The following ARHGEF17 variants were observed in gnomAD, a reference collection of about 807,000 sequenced individuals.
ARHGEF17 encodes the protein 164 kDa Rho-specific guanine-nucleotide exchange factor.
In ARHGEF17, 80 loss-of-function variants were observed where a neutral mutation model predicts 174.0. The observed-to-expected ratio is 0.46, with a 90% CI of 0.38 to 0.55. The LOEUF is 0.55. Among genes scored for constraint, ARHGEF17 ranks in the 20% least tolerant of loss-of-function variants. ARHGEF17 has a pLI of 0.00. For synonymous variants in ARHGEF17, 1,311 were observed against 1,189.1 expected (o/e 1.10, Z -2.11); for missense variants, 2,886 against 2,839.7 (o/e 1.02, Z -0.37).
rs777733889 is a variant in ARHGEF17, at chr11:73,362,413, C to T, written c.4695-20C>T. The T allele has an allele frequency of 2.6e-6, 4 of 1,526,904 alleles. No homozygotes were observed. Among genetic ancestry groups the T allele is most frequent in the Non-Finnish European group, 3.5e-6 (4 of 1,143,136 alleles). The allele number at this position is 1,526,904 out of a possible 1,614,324, so 94.6% of individuals were successfully genotyped here. A position where few individuals can be genotyped will look rare whatever the true frequency, so the allele number is the denominator to read the frequency against. On this transcript the variant is annotated intron_variant, in intron 13 of 20. Transcript: ENST00000263674. ...CGTCTGGCTCGTAGCTGCTGTCATC[C>T]TCACTCCGTCTTCTCGCAGGGAGCC...
intron 1 of ARHGEF17, among the ~76,000 whole-genome samples, chr11:73,346,166 T>A (rs1189626804): frequency 1.3e-5 from 2 of 152,090 alleles, no homozygotes; most frequent in South Asian, 2.1e-4. Context: ...GTTTCCTTTT[T>A]CCCCTCCCTA....
chr11:73,369,122 C>T lies in ARHGEF17; in HGVS notation c.*1342C>T, dbSNP rs1865889362. On this transcript the variant is annotated 3_prime_UTR_variant, in exon 21 of 21. Transcript: ENST00000263674. ...GGCCACAGTGGCCTCCTGTCAGCAACCTCAGGGCTCAGTCTCCCTGGCCAC... is the reference window on the plus strand; with the variant it reads ...GGCCACAGTGGCCTCCTGTCAGCAATCTCAGGGCTCAGTCTCCCTGGCCAC... 1 of 152,492 alleles carries T rather than the reference C, an allele frequency of 6.6e-6. No homozygotes were observed. Among genetic ancestry groups the T allele is most frequent in the South Asian group, 2.1e-4 (1 of 4,832 alleles). The allele number at this position is 152,492 out of a possible 1,614,324, so 9.4% of individuals were successfully genotyped here. A position where few individuals can be genotyped will look rare whatever the true frequency, so the allele number is the denominator to read the frequency against.
chr11:73,331,509 C>T (rs1865202886), intron 1 of ARHGEF17, among the ~76,000 whole-genome samples: 1 of 152,176 alleles, frequency 6.6e-6, no homozygotes, highest in Non-Finnish European at 1.5e-5. Context: ...GCCATGGCAA[C>T]AGCCAGTTCA....
At chr11:73,364,758 C>T (rs1188661837) in intron 18 of ARHGEF17, 158 bp downstream of exon 18, 8 of 876,962 alleles carry the variant, frequency 9.1e-6, no homozygotes, top group Non-Finnish European at 8.3e-6. Context: ...TGTCCTCCTT[C>T]GATCCTCATT....
chr11:73,338,515 C>T (rs981332098), intron 1 of ARHGEF17, among the ~76,000 whole-genome samples: 15 of 152,202 alleles, frequency 9.9e-5, no homozygotes, highest in Admixed American at 9.2e-4. Context: ...ATCAGACAGT[C>T]TGTGTGGGCC....
At chr11:73,326,815 C>A (rs1423995945) in intron 1 of ARHGEF17, among the ~76,000 whole-genome samples, 1 of 152,228 alleles carries the variant, frequency 6.6e-6, no homozygotes, top group Admixed American at 6.5e-5. Context: ...GCAGGCTGAT[C>A]TCATTGATTT....
chr11:73,332,209 A>G (rs1865215866), intron 1 of ARHGEF17, among the ~76,000 whole-genome samples: 1 of 152,188 alleles, frequency 6.6e-6, no homozygotes, highest in African/African-American at 2.4e-5. Flanking sequence ...AGATGGGGAA[A>G]CTGAGGCACA....
chr11:73,343,220 C>T (rs777529467), intron 1 of ARHGEF17: 1 of 398,498 alleles, frequency 2.5e-6, no homozygotes, highest in Non-Finnish European at 4.4e-6. Context: ...CAGCCGCCGC[C>T]TCCGGGGAGC....
chr11:73,312,194 G>A (rs563369525), intron 1 of ARHGEF17, among the ~76,000 whole-genome samples: 219 of 152,288 alleles, frequency 1.4e-3, no homozygotes, highest in Non-Finnish European at 2.6e-3. Context: ...GGCACCCAGC[G>A]CAGGCTCAGT....
intron 1 of ARHGEF17, among the ~76,000 whole-genome samples, chr11:73,322,453 G>T (rs553353690): frequency 3.3e-5 from 5 of 152,318 alleles, no homozygotes; most frequent in African/African-American, 9.6e-5. Context: ...CTTGCCCAAG[G>T]CCACACAGTA....
At chr11:73,321,907 G>A (rs553152113) in intron 1 of ARHGEF17, among the ~76,000 whole-genome samples, 6 of 152,312 alleles carry the variant, frequency 3.9e-5, no homozygotes, top group African/African-American at 1.4e-4. Flanking sequence ...CAAGGTTGGT[G>A]TCTGTTTCCT....
At position 73,311,521 on chromosome 11, in the gene ARHGEF17, T is replaced by C. The variant is rs1340628030; in HGVS notation, c.2883T>C (p.Ser961=). 3 of 1,613,212 alleles carry C rather than the reference T, an allele frequency of 1.9e-6. No homozygotes were observed. Among genetic ancestry groups the C allele is most frequent in the Non-Finnish European group, 8.5e-7 (1 of 1,180,038 alleles). ...RPSSRHVRHA[S]VPATFMPIVV... is the part of the protein sequence containing the mutation. The stretch of plus-strand genomic sequence containing the variant: ...CCTCCAGACACGTTCGCCATGCCAG[T>C]GTGCCCGCCACATTTATGCCTATTG... Residue 961 remains serine, a synonymous_variant, in exon 1 of 21, where the codon AGT becomes AGC. Coordinates refer to ENST00000263674, the MANE Select transcript of ARHGEF17 (RefSeq NM_014786.4).
At chr11:73,312,501 C>A (rs1440988959) in intron 1 of ARHGEF17, among the ~76,000 whole-genome samples, 2 of 152,158 alleles carry the variant, frequency 1.3e-5, no homozygotes, top group Non-Finnish European at 2.9e-5. Flanking sequence ...GCCTATGTTT[C>A]CATCCAGCTG....
At chr11:73,325,387 G>C (rs982571926) in intron 1 of ARHGEF17, among the ~76,000 whole-genome samples, 2 of 152,174 alleles carry the variant, frequency 1.3e-5, no homozygotes, top group Non-Finnish European at 2.9e-5. Flanking sequence ...CCCTGTGCTT[G>C]GGCTGGAGAT....
At position 73,315,971 on chromosome 11, in the gene ARHGEF17, T is replaced by G. The variant is rs191703361; in HGVS notation, c.3192+4141T>G. On this transcript the variant is annotated intron_variant, in intron 1 of 20. Transcript: ENST00000263674. Reference sequence around the variant, plus strand: ...ATCTGTGATCTTTCAGGCTACACATTGCTGCCCCAAAGCAGGGTGGAGGCA... The same window carrying G: ...ATCTGTGATCTTTCAGGCTACACATGGCTGCCCCAAAGCAGGGTGGAGGCA... 1.6e-3 allele frequency among the ~76,000 whole-genome samples: 230 copies of G among 141,550 alleles called. 1 individual carries two copies. The highest frequency in any genetic ancestry group is 5.5e-3 in the African/African-American group (219 of 39,884). 92.9% of individuals were successfully genotyped at this position (141,550 alleles called of 152,430 possible).
intron 2 of ARHGEF17, among the ~76,000 whole-genome samples, chr11:73,352,473 G>T (rs1363325873): frequency 2.0e-5 from 3 of 152,202 alleles, no homozygotes; most frequent in Non-Finnish European, 4.4e-5. Flanking sequence ...TTAGAACAGT[G>T]CCTGGTACGT....
rs1865825971 is a variant in ARHGEF17 at position 73,365,751 on chromosome 11, G to C, written c.5799G>C (p.Leu1933=). The C allele has an allele frequency of 6.2e-7, 1 of 1,613,718 alleles. No homozygotes were observed. Among genetic ancestry groups the C allele is most frequent in the Non-Finnish European group, 8.5e-7 (1 of 1,180,044 alleles). ...RITALLVCEE[L]LWVGTSAGVV... is the part of the protein sequence containing the mutation. The stretch of plus-strand genomic sequence containing the variant: ...CAGCGCTGCTGGTGTGTGAGGAGCT[G>C]CTGTGGGTGGGCACCAGTGCTGGTG... Residue 1933 remains leucine, a synonymous_variant, in exon 20 of 21, where the codon CTG becomes CTC. Transcript: ENST00000263674. This position sits in a 1 kb window ranked among gnomAD's most constrained non-coding sequence, Gnocchi z 4.9.
At chr11:73,323,115 C>T (rs1025836369) in intron 1 of ARHGEF17, among the ~76,000 whole-genome samples, 12 of 152,140 alleles carry the variant, frequency 7.9e-5, no homozygotes, top group Non-Finnish European at 1.6e-4. Flanking sequence ...AAACCCTCTG[C>T]TCCAGTGGAA....
intron 1 of ARHGEF17, among the ~76,000 whole-genome samples, chr11:73,336,930 C>T (rs940306457): frequency 8.5e-5 from 13 of 152,232 alleles, no homozygotes; most frequent in Non-Finnish European, 1.5e-4. Context: ...TTCCCCACAA[C>T]GTGGAGGCTG....
Sources: allele counts gnomAD v4.1 joint callset (sites outside exome capture counted in the v4.1 genomes callset), GRCh38; gene constraint gnomAD v4.1.1; non-coding constraint Gnocchi (gnomAD v3.1); transcripts MANE v1.5; gene names NCBI Gene and HGNC (gene_info 2026-07-23, HGNC 2026-07-21).